CSMD1: variants seen among roughly 807,000 people sequenced by gnomAD.
CSMD1 encodes CUB and sushi domain-containing protein 1.
In CSMD1, 213 loss-of-function variants were observed where a neutral mutation model predicts 417.5. The observed-to-expected ratio is 0.51, with a 90% confidence interval of 0.46 to 0.57. The LOEUF is 0.57. CSMD1 is among the 20% of genes least tolerant of loss of function. The probability of loss-of-function intolerance (pLI) is 0.00; values close to 1 mark genes in which losing one functional copy is unlikely to be tolerated. For missense variants in CSMD1, 6,923 were observed against 4,529.7 expected, an observed-to-expected ratio of 1.53 and a Z score of -15.17; for synonymous variants, 2,862 against 1,736.8, an observed-to-expected ratio of 1.65 and a Z score of -16.11.
chr8:4,658,546 T>C lies in CSMD1; in HGVS notation c.86-20988A>G, dbSNP rs181627553. Among the ~76,000 whole-genome samples, 455 of 152,240 alleles carry C rather than the reference T, an allele frequency of 3.0e-3. 4 individuals carry two copies. Among genetic ancestry groups the C allele is most frequent in the African/African-American group, 0.011 (439 of 41,544 alleles). On this transcript the variant is annotated intron_variant, in intron 1 of 69. Coordinates refer to ENST00000635120, the MANE Select transcript of CSMD1 (RefSeq NM_033225.6). ...CAAACTATGCTTCAGAAATCAGACA[T>C]TGATAAACTAGAAATAAATATATTC...
chr8:3,850,908 A>G (rs1034507107), intron 5 of CSMD1, among the ~76,000 whole-genome samples: 3 of 152,274 alleles, frequency 2.0e-5, no homozygotes, highest in African/African-American at 7.2e-5. Context: ...CAGAGTTTAA[A>G]GTTTTCTAAT....
At chr8:3,835,049 A>G (rs928228524) in intron 5 of CSMD1, among the ~76,000 whole-genome samples, 2 of 151,978 alleles carry the variant, frequency 1.3e-5, no homozygotes, top group African/African-American at 4.8e-5. Context: ...AATGGCGATC[A>G]TTAAAAAGTC....
intron 5 of CSMD1, among the ~76,000 whole-genome samples, chr8:3,760,542 C>G (rs1797935369): frequency 6.6e-6 from 1 of 152,174 alleles, no homozygotes; most frequent in Non-Finnish European, 1.5e-5. Flanking sequence ...TCACTTTTCT[C>G]CGATGGGATA....
At chr8:4,159,954 G>A (rs935469005) in intron 3 of CSMD1, among the ~76,000 whole-genome samples, 2 of 151,992 alleles carry the variant, frequency 1.3e-5, no homozygotes, top group African/African-American at 4.8e-5. Flanking sequence ...GGGTGGGAGG[G>A]GGTGAGGGAT....
chr8:4,392,527 G>A (rs1164154600), intron 3 of CSMD1, among the ~76,000 whole-genome samples: 1 of 152,096 alleles, frequency 6.6e-6, no homozygotes, highest in East Asian at 1.9e-4. Flanking sequence ...GTGTGGAGAT[G>A]GGAGTGTCAT....
intron 12 of CSMD1, among the ~76,000 whole-genome samples, chr8:3,436,404 C>A (rs1024474781): frequency 1.3e-5 from 2 of 152,116 alleles, no homozygotes; most frequent in South Asian, 4.1e-4. Context: ...AATGTAAAAT[C>A]TGTGAGAGCT....
intron 5 of CSMD1, among the ~76,000 whole-genome samples, chr8:3,965,355 T>G (rs930101550): frequency 6.6e-6 from 1 of 152,148 alleles, no homozygotes; most frequent in Non-Finnish European, 1.5e-5. Context: ...AAGACAATGT[T>G]TTGAAGAGTT....
chr8:3,497,553 A>C (rs555969906), intron 10 of CSMD1, among the ~76,000 whole-genome samples: 1 of 152,246 alleles, frequency 6.6e-6, no homozygotes, highest in Admixed American at 6.5e-5. Flanking sequence ...TACAGGGTCA[A>C]TATACCCAGC....
At chr8:3,550,473 G>A (rs1295577750) in intron 10 of CSMD1, among the ~76,000 whole-genome samples, 1 of 152,202 alleles carries the variant, frequency 6.6e-6, no homozygotes, top group Non-Finnish European at 1.5e-5. Flanking sequence ...CATGGCGGCT[G>A]TGCATATCGA....
intron 1 of CSMD1, among the ~76,000 whole-genome samples, chr8:4,821,325 G>A (rs1230089688): frequency 1.3e-5 from 2 of 152,146 alleles, no homozygotes; most frequent in African/African-American, 2.4e-5. Context: ...TTAAGAATCC[G>A]TTAGTCAGAG....
intron 5 of CSMD1, among the ~76,000 whole-genome samples, chr8:3,989,753 A>G (rs1814605795): frequency 6.6e-6 from 1 of 152,228 alleles, no homozygotes; most frequent in South Asian, 2.1e-4. Flanking sequence ...GGAAACGCTA[A>G]TGTTCTAGGC....
At chr8:3,270,046 CTTTTT>C (rs200994813) in intron 26 of CSMD1, among the ~76,000 whole-genome samples, 2 of 118,384 alleles carry the variant, frequency 1.7e-5, no homozygotes, top group Non-Finnish European at 3.4e-5. Context: ...CTAACCTCTT[CTTTTT>C]TTTTTTTTTT....
chr8:4,743,226 TTAGACA>T (rs1810736802), intron 1 of CSMD1, among the ~76,000 whole-genome samples: 1 of 152,184 alleles, frequency 6.6e-6, no homozygotes, highest in African/African-American at 2.4e-5. Context: ...TCACATTATT[TTAGACA>T]TAATCTATTT....
At chr8:3,933,225 A>AAAAATGCAGTTAAGT (rs1165050798) in intron 5 of CSMD1, among the ~76,000 whole-genome samples, 2 of 135,814 alleles carry the variant, frequency 1.5e-5, no homozygotes, top group African/African-American at 2.8e-5. Context: ...TAAGTAGAAA[A>AAAAATGCAGTTAAGT]GGAGAAGAAA....
chr8:3,146,368 C>T (rs1224771595), intron 40 of CSMD1, among the ~76,000 whole-genome samples: 1 of 151,946 alleles, frequency 6.6e-6, no homozygotes, highest in Non-Finnish European at 1.5e-5. Context: ...TCAGGTTTAG[C>T]TACTAGATAA....
intron 1 of CSMD1, among the ~76,000 whole-genome samples, chr8:4,711,214 G>C (rs550688215): frequency 2.0e-5 from 3 of 150,466 alleles, no homozygotes; most frequent in African/African-American, 7.3e-5. Context: ...CAAATTTGAA[G>C]TAAAAAATGT....
At chr8:3,571,755 C>CATCTGAGACAA (rs57894725) in intron 10 of CSMD1, among the ~76,000 whole-genome samples, 131,642 of 151,918 alleles carry the variant, frequency 0.87, 57,370 homozygotes, top group African/African-American at 0.89. Context: ...GCTAAGTCTC[C>CATCTGAGACAA]GTCTGGGGCA....
intron 3 of CSMD1, among the ~76,000 whole-genome samples, chr8:4,310,190 G>C (rs1046184003): frequency 2.0e-5 from 3 of 152,110 alleles, no homozygotes; most frequent in Non-Finnish European, 2.9e-5. Flanking sequence ...AGAAACAATG[G>C]TAATCTCCTT....
intron 4 of CSMD1, among the ~76,000 whole-genome samples, chr8:4,008,377 T>C (rs201150637): frequency 6.6e-6 from 1 of 151,850 alleles, no homozygotes; most frequent in Admixed American, 6.6e-5. Context: ...AGCATGAAAA[T>C]ATATCAAAGT....
Sources: allele counts gnomAD v4.1 joint callset (sites outside exome capture counted in the v4.1 genomes callset), GRCh38; gene constraint gnomAD v4.1.1; transcripts MANE v1.5; gene names NCBI Gene and HGNC (gene_info 2026-07-23, HGNC 2026-07-21).